The following ATP12A variants were observed in gnomAD, a reference collection of about 807,000 sequenced individuals.
ATP12A encodes potassium-transporting ATPase alpha chain 2.
In ATP12A, 81 loss-of-function variants were observed where a neutral mutation model predicts 111.2. That is an observed-to-expected ratio of 0.73 (90% CI 0.61 to 0.88). The LOEUF is 0.88. Among genes scored for constraint, ATP12A ranks in the 40% least tolerant of loss-of-function variants. The pLI is 0.00. For missense variants in ATP12A, 1,196 were observed against 1,313.1 expected (o/e 0.91, Z 1.38); for synonymous variants, 498 against 499.8 (o/e 1.00, Z 0.05).
chr13:24,711,806 G>C lies in ATP12A; in HGVS notation c.*284G>C. 1 of 490,784 alleles carries C rather than the reference G, an allele frequency of 2.0e-6. No homozygotes were observed. The highest frequency in any genetic ancestry group is 3.7e-6 in the Non-Finnish European group (1 of 271,100). The allele number at this position is 490,784 out of a possible 1,614,324, so 30.4% of individuals were successfully genotyped here. On this transcript the variant is annotated 3_prime_UTR_variant, in exon 23 of 23. Transcript: ENST00000381946. Reference sequence around the variant, plus strand: ...GGGAAGAATGTGTTTATGTGTATTTGAAACTCCTTGATGTTAATAGTCTTG... The same window carrying C: ...GGGAAGAATGTGTTTATGTGTATTTCAAACTCCTTGATGTTAATAGTCTTG...
rs772341439 is a variant in ATP12A, at chr13:24,681,609, C to G, written c.57C>G (p.Ile19Met). 1 of 1,614,144 alleles carries G rather than the reference C, an allele frequency of 6.2e-7. No individual in the cohort carries two copies. The highest frequency in any genetic ancestry group is 1.1e-5 in the South Asian group (1 of 91,078). ...TGGAGCTCAGCGGAACTAAGGACAT[C>G]GTGAAAACAGACAAGGGGGATGGCA... is the stretch of plus-strand genomic sequence containing the variant. ...YSVELSGTKD[I>M]VKTDKGDGKE... The change falls in exon 2 of 23, where the codon ATC (isoleucine) becomes ATG (methionine). Residue 19 changes from isoleucine (I) to methionine (M), a missense_variant. Around this residue, in one of 3 missense-constraint regions of ATP12A, gnomAD observed 67 missense variants for 64.0 expected, o/e 1.05. Coordinates refer to ENST00000381946, the MANE Select transcript of ATP12A (RefSeq NM_001676.7).
chr13:24,682,039 T>TGTG (rs1874470560), intron 2 of ATP12A, among the ~76,000 whole-genome samples: 1 of 16,854 alleles, frequency 5.9e-5, no homozygotes, highest in Admixed American at 4.1e-4. Context: ...GGTGTGTGTA[T>TGTG]GTGTGTGGTG....
intron 21 of ATP12A, 49 bp from the exon 22 acceptor site, chr13:24,711,269 C>T (rs1177698404): frequency 6.5e-7 from 1 of 1,531,048 alleles, no homozygotes; most frequent in African/African-American, 1.4e-5. Flanking sequence ...CAGGGTTGGG[C>T]TATCCCTGTG....
In ATP12A at chr13:24,694,540, G is replaced by C. The variant is rs1253094457; in HGVS notation, c.1474G>C (p.Val492Leu). Residue 492 changes from valine (V) to leucine (L), a missense_variant, in exon 11 of 23, where the codon GTA (valine) becomes CTA (leucine). Transcript: ENST00000381946. ...GGAAATTAGAAAAAGAAACCGCAAA[G>C]TAGCTGAAATCCCTTTTAACTCTAC... ...VMEIRKRNRK[V>L]AEIPFNSTNK... The C allele has an allele frequency of 6.2e-7, 1 of 1,613,824 alleles. No homozygotes were observed. Among genetic ancestry groups the C allele is most frequent in the Non-Finnish European group, 8.5e-7 (1 of 1,180,038 alleles).
intron 2 of ATP12A, among the ~76,000 whole-genome samples, chr13:24,684,635 G>T (rs934387020): frequency 2.7e-4 from 41 of 152,246 alleles, no homozygotes; most frequent in Non-Finnish European, 5.4e-4. Context: ...ACTGAGGGGA[G>T]GATGTTAGTG....
chr13:24,694,367 G>A, intron 10 of ATP12A, 77 bp from the exon 11 acceptor site: 1 of 1,559,852 alleles, frequency 6.4e-7, no homozygotes, highest in South Asian at 1.2e-5. Flanking sequence ...TCAGGAGGGT[G>A]TGTTTTGGGT....
At chr13:24,696,269 A>G (rs1875146982) in intron 11 of ATP12A, among the ~76,000 whole-genome samples, 1 of 152,156 alleles carries the variant, frequency 6.6e-6, no homozygotes, top group South Asian at 2.1e-4. Context: ...TGATGCCTCC[A>G]TCAGCAGCAG....
intron 15 of ATP12A, 61 bp from the exon 16 acceptor site, chr13:24,706,962 C>T: frequency 6.6e-7 from 1 of 1,509,496 alleles, no homozygotes; most frequent in Non-Finnish European, 8.9e-7. Context: ...GTTGCTCTTG[C>T]CAGGCCTGCA....
At position 24,711,415 on chromosome 13, in the gene ATP12A, T is replaced by C; in HGVS notation, c.3091+6T>C. On this transcript the variant is annotated splice_donor_region_variant and intron_variant, in intron 22 of 22. Transcript: ENST00000381946. ...CATCAGGCTCTACCCTGGAAGTGAGTAGCCTATGATTTTAGAGGCTCTGTT... is the reference window on the plus strand; with the variant it reads ...CATCAGGCTCTACCCTGGAAGTGAGCAGCCTATGATTTTAGAGGCTCTGTT... 3 of 1,613,900 alleles carry C rather than the reference T, an allele frequency of 1.9e-6. No homozygotes were observed. The highest frequency in any genetic ancestry group is 1.7e-6 in the Non-Finnish European group (2 of 1,179,934).
chr13:24,684,343 G>A (rs1566068792), intron 2 of ATP12A, among the ~76,000 whole-genome samples: 2 of 152,190 alleles, frequency 1.3e-5, no homozygotes, highest in Non-Finnish European at 2.9e-5. Flanking sequence ...TTATTGGAAG[G>A]CCTAGTCTCT....
At chr13:24,681,938 G>C (rs972371820) in intron 2 of ATP12A, among the ~76,000 whole-genome samples, 1 of 147,034 alleles carries the variant, frequency 6.8e-6, no homozygotes, top group Non-Finnish European at 1.5e-5. Context: ...TGTGTAGTGT[G>C]TGGTGTGTGT....
chr13:24,685,524 G>A lies in ATP12A; in HGVS notation c.228+151G>A. On this transcript the variant is annotated intron_variant, in intron 3 of 22. Coordinates refer to ENST00000381946, the MANE Select transcript of ATP12A (RefSeq NM_001676.7). This position sits in a 1 kb window ranked among gnomAD's most constrained non-coding sequence, Gnocchi z 5.5. ...TTTGAGACTGCAGTTATTTGCATCT[G>A]GACACAGTTCAAGTCAACAGAAAAA... 1 of 734,974 alleles carries A rather than the reference G, an allele frequency of 1.4e-6. No homozygotes were observed. The highest frequency in any genetic ancestry group is 2.3e-6 in the Non-Finnish European group (1 of 427,804). The allele number at this position is 734,974 out of a possible 1,614,324, so 45.5% of individuals were successfully genotyped here. A position where few individuals can be genotyped will look rare whatever the true frequency, so the allele number is the denominator to read the frequency against.
Position 24,690,384 on chromosome 13 carries a change from A to G in ATP12A, c.593A>G (p.Glu198Gly). 6.8e-6 allele frequency: 11 copies of G among 1,612,744 alleles called. No individual in the cohort carries two copies. Among genetic ancestry groups the G allele is most frequent in the Non-Finnish European group, 9.3e-6 (11 of 1,179,786 alleles). Residue 198 changes from glutamate to glycine, a missense_variant, in exon 6 of 23, where the codon GAG (glutamate) becomes GGG (glycine). Transcript: ENST00000381946. ...TCCGAGAAGAAGACCATCCCTTCAG[A>G]GCAGCTGGTGGTGGGGGACATTGTG... ...RDSEKKTIPS[E>G]QLVVGDIVEV... is the part of the protein sequence containing the mutation.
chr13:24,703,159 T>C (rs1361060864), intron 14 of ATP12A, among the ~76,000 whole-genome samples: 2 of 152,206 alleles, frequency 1.3e-5, no homozygotes, highest in East Asian at 3.8e-4. Flanking sequence ...GAAAACAACT[T>C]TGGGGCTTGT....
chr13:24,707,117 A>G lies in ATP12A; in HGVS notation c.2264A>G (p.Asp755Gly). The change falls in exon 16 of 23, where the codon GAT becomes GGT. Residue 755 changes from aspartate (D) to glycine (G), a missense_variant. This residue lies in a region of ATP12A where 1,126 missense variants were observed against 1,228.5 expected (regional missense o/e 0.92). Coordinates refer to ENST00000381946, the MANE Select transcript of ATP12A (RefSeq NM_001676.7). ...ATTGCCATGGGGATAGCAGGTTCTGATGCAGCCAAAAATGCAGCCGACATG... is the reference window on the plus strand; with the variant it reads ...ATTGCCATGGGGATAGCAGGTTCTGGTGCAGCCAAAAATGCAGCCGACATG... The part of the protein sequence containing the change: ...IGIAMGIAGS[D>G]AAKNAADMVL... 2 of 1,614,134 alleles carry G rather than the reference A, an allele frequency of 1.2e-6. No homozygotes were observed. Among genetic ancestry groups the G allele is most frequent in the Non-Finnish European group, 1.7e-6 (2 of 1,180,012 alleles).
At chr13:24,708,160 C>A (rs533185784) in intron 17 of ATP12A, among the ~76,000 whole-genome samples, 3 of 152,090 alleles carry the variant, frequency 2.0e-5, no homozygotes, top group Non-Finnish European at 4.4e-5. Context: ...CATGGAAGAC[C>A]TTTACCTAAA....
At chr13:24,690,548 A>G in intron 6 of ATP12A, 56 bp from the exon 7 acceptor site, 1 of 1,604,124 alleles carries the variant, frequency 6.2e-7, no homozygotes, top group Non-Finnish European at 8.5e-7. Context: ...CAGCATCAGT[A>G]TAAGAGGCAG....
chr13:24,707,538 A>G, intron 17 of ATP12A, 105 bp downstream of exon 17: 2 of 1,451,818 alleles, frequency 1.4e-6, no homozygotes, highest in South Asian at 2.6e-5. Context: ...AAGGCTTCTC[A>G]GCTTCCATGT....
chr13:24,712,336 T>C lies in ATP12A; in HGVS notation c.*814T>C, dbSNP rs1876008925. The C allele has an allele frequency of 6.6e-6, 1 of 152,238 alleles. No individual in the cohort carries two copies. Among genetic ancestry groups the C allele is most frequent in the East Asian group, 1.9e-4 (1 of 5,200 alleles). The allele number at this position is 152,238 out of a possible 1,614,324, so 9.4% of individuals were successfully genotyped here. ...GTCATATTTATTTCTTGTAAAACAG[T>C]TGCCAGGTGCTCTCCAGCAATAACG... On this transcript the variant is annotated 3_prime_UTR_variant, in exon 23 of 23. Coordinates refer to ENST00000381946, the MANE Select transcript of ATP12A (RefSeq NM_001676.7).
Sources: allele counts gnomAD v4.1 joint callset (sites outside exome capture counted in the v4.1 genomes callset), GRCh38; gene constraint gnomAD v4.1.1; regional missense constraint gnomAD v4.1.1; non-coding constraint Gnocchi (gnomAD v3.1); transcripts MANE v1.5; gene names NCBI Gene and HGNC (gene_info 2026-07-23, HGNC 2026-07-21).